RANBP3L: variants seen among roughly 807,000 people sequenced by gnomAD.
RANBP3L encodes ran-binding protein 3-like.
In RANBP3L, 56 loss-of-function variants were observed where a neutral mutation model predicts 67.2. The observed-to-expected ratio is 0.83, with a 90% CI of 0.67 to 1.04. The LOEUF (loss-of-function observed/expected upper bound fraction) is 1.04. Among genes scored for constraint, RANBP3L ranks in the 50% least tolerant of loss-of-function variants. The pLI is 0.00. For missense variants in RANBP3L, 496 were observed against 535.5 expected (o/e 0.93, Z 0.73); for synonymous variants, 164 against 181.4 (o/e 0.90, Z 0.77).
intron 1 of RANBP3L, among the ~76,000 whole-genome samples, chr5:36,298,587 G>A (rs1752398909): frequency 2.0e-5 from 3 of 152,164 alleles, no homozygotes; most frequent in Admixed American, 2.0e-4. Context: ...TGCTCTGAAT[G>A]AATACTTTAA....
In RANBP3L at chr5:36,253,625, A is replaced by G. The variant is rs567470004; in HGVS notation, c.1167+22T>C. 5.9e-5 allele frequency: 92 copies of G among 1,556,304 alleles called. No homozygotes were observed. The South Asian group carries it at 9.2e-4, about 15-fold the overall frequency. On this transcript the variant is annotated intron_variant, in intron 12 of 13. Coordinates refer to ENST00000296604, the MANE Select transcript of RANBP3L (RefSeq NM_145000.5). ...TATTAATTTAGTAGGATAATCTTCT[A>G]TCACTGAAATTTCTCCCTTACCTGA...
chr5:36,275,452 A>G (rs1750507664), intron 1 of RANBP3L, among the ~76,000 whole-genome samples: 1 of 152,192 alleles, frequency 6.6e-6, no homozygotes, highest in South Asian at 2.1e-4. Context: ...ACTGGCACAT[A>G]TTAGTCCCAA....
chr5:36,277,530 G>C (rs6867703), intron 1 of RANBP3L, among the ~76,000 whole-genome samples: 21,539 of 149,762 alleles, frequency 0.14, 1,827 homozygotes, highest in South Asian at 0.28. Context: ...AACACCTACA[G>C]CTTCTTCTTC....
intron 6 of RANBP3L, among the ~76,000 whole-genome samples, chr5:36,263,200 G>T (rs1181678415): frequency 6.6e-6 from 1 of 151,966 alleles, no homozygotes; most frequent in Non-Finnish European, 1.5e-5. Flanking sequence ...TTAATGATGG[G>T]CATATACAGT....
At chr5:36,293,062 CCT>C (rs1341469525) in intron 1 of RANBP3L, among the ~76,000 whole-genome samples, 9 of 122,606 alleles carry the variant, frequency 7.3e-5, no homozygotes, top group Admixed American at 1.8e-4. Flanking sequence ...TTGTTTGTAT[CCT>C]CTTTTATTTC....
intron 2 of RANBP3L, among the ~76,000 whole-genome samples, chr5:36,271,047 T>C (rs1426351849): frequency 2.0e-5 from 3 of 152,310 alleles, no homozygotes; most frequent in Admixed American, 6.5e-5. Context: ...ATGTTATCCA[T>C]AGCTGCAAGA....
Position 36,251,328 on chromosome 5 carries a change from T to C in RANBP3L, c.1339A>G (p.Thr447Ala). The change falls in exon 13 of 14, where the codon ACT (threonine) becomes GCT (alanine). Residue 447 changes from threonine to alanine, a missense_variant. By Grantham distance (58) the Thr-to-Ala change is moderately conservative (BLOSUM62 0). Coordinates refer to ENST00000296604, the MANE Select transcript of RANBP3L (RefSeq NM_145000.5). ...AGCTATTTACCTGATCCATTTTTAG[T>C]GACTTGGATGAAATCATCCTCATTC... ...DENEDDFIQVTKNGSDPSSWT... is the reference protein window; with the variant it reads ...DENEDDFIQVAKNGSDPSSWT... The C allele has an allele frequency of 6.2e-7, 1 of 1,611,738 alleles. No individual in the cohort carries two copies.
rs573208999 is a variant in RANBP3L, at chr5:36,301,322, T to C, written c.91+4A>G. 2.5e-6 allele frequency: 4 copies of C among 1,608,552 alleles called. No individual in the cohort carries two copies. The South Asian group carries it at 3.3e-5, about 13-fold the overall frequency. The stretch of plus-strand genomic sequence containing the variant: ...TATGCAACTCATGAGCTGGACGGAC[T>C]CACCTTGCTGTCGCCGGTCCTCCTG... On this transcript the variant is annotated splice_donor_region_variant and intron_variant, in intron 1 of 13. Coordinates refer to ENST00000296604, the MANE Select transcript of RANBP3L (RefSeq NM_145000.5).
chr5:36,264,892 C>T (rs1036866398), intron 6 of RANBP3L, 67 bp downstream of exon 6: 8 of 1,491,594 alleles, frequency 5.4e-6, no homozygotes, highest in Non-Finnish European at 6.4e-6. Flanking sequence ...GATATGGGGG[C>T]CCCAAACAAC....
rs16902911 is a variant in RANBP3L at position 36,275,040 on chromosome 5, T to A, written c.92-3729A>T. Among the ~76,000 whole-genome samples the A allele has an allele frequency of 0.012, 1,859 of 152,308 alleles. 152 individuals carry two copies. The East Asian group carries it at 0.22, about 18-fold the overall frequency. ...TGAGATTCATGTAGCATTTCATGAA[T>A]CTCAATATTCAATGTTGTTTTTTTC... On this transcript the variant is annotated intron_variant, in intron 1 of 13. Transcript: ENST00000296604.
chr5:36,268,191 A>G (rs1457397633), intron 4 of RANBP3L: 1 of 1,529,234 alleles, frequency 6.5e-7, no homozygotes, highest in Non-Finnish European at 8.8e-7. Flanking sequence ...ACTCTTTATT[A>G]CCTGGCCCAG....
intron 13 of RANBP3L, 92 bp downstream of exon 13, chr5:36,251,221 T>A (rs1748565598): frequency 9.5e-7 from 1 of 1,052,554 alleles, no homozygotes. Context: ...AACAGAGCAG[T>A]TCCACTTGTT....
intron 12 of RANBP3L, among the ~76,000 whole-genome samples, chr5:36,253,202 G>C (rs766709967): frequency 6.6e-6 from 1 of 152,050 alleles, no homozygotes; most frequent in Non-Finnish European, 1.5e-5. Context: ...TGTTGGACTG[G>C]TTGTTTTAAC....
Position 36,254,170 on chromosome 5 carries a change from A to G in RANBP3L, c.1025-381T>C, listed in dbSNP as rs73751624. ...TTGTGGTGTAGTCATTCAAGAGAAT[A>G]TTATGAACCCATTAAGAATACTGCA... On this transcript the variant is annotated intron_variant, in intron 11 of 13. Transcript: ENST00000296604. Among the ~76,000 whole-genome samples the G allele has an allele frequency of 4.5e-3, 679 of 151,724 alleles. 5 individuals are homozygous for G. Among genetic ancestry groups the G allele is most frequent in the African/African-American group, 0.016 (651 of 41,450 alleles).
chr5:36,296,267 A>C (rs1310145722), intron 1 of RANBP3L, among the ~76,000 whole-genome samples: 1 of 152,182 alleles, frequency 6.6e-6, no homozygotes, highest in Non-Finnish European at 1.5e-5. Context: ...AGAAGTGCAG[A>C]TTGCTTGGGG....
chr5:36,297,020 C>T (rs1752264626), intron 1 of RANBP3L, among the ~76,000 whole-genome samples: 1 of 152,068 alleles, frequency 6.6e-6, no homozygotes, highest in Admixed American at 6.6e-5. Context: ...CCTCTCTCTT[C>T]TCTCTCTCTA....
chr5:36,290,200 G>A (rs1034664353), intron 1 of RANBP3L, among the ~76,000 whole-genome samples: 23 of 147,418 alleles, frequency 1.6e-4, no homozygotes, highest in Non-Finnish European at 3.1e-4. Context: ...CCTCATACTG[G>A]TGGTTTCTCT....
At chr5:36,301,260 T>A (rs10941287) in intron 1 of RANBP3L, 66 bp downstream of exon 1, 543,520 of 1,232,026 alleles carry the variant, frequency 0.44, 129,043 homozygotes, top group Non-Finnish European at 0.5. Flanking sequence ...CAGCCCACCA[T>A]TCTTCCTGGA....
intron 4 of RANBP3L, chr5:36,268,047 T>C: frequency 4.4e-6 from 2 of 449,530 alleles, no homozygotes; most frequent in Non-Finnish European, 7.9e-6. Context: ...ATTCATAAGG[T>C]ATTCTTCGAT....
Sources: gnomAD v4.1 joint callset for allele counts (sites outside exome capture counted in the v4.1 genomes callset) on GRCh38, gnomAD v4.1.1 for gene constraint, MANE v1.5 for transcripts, NCBI Gene and HGNC (gene_info 2026-07-23, HGNC 2026-07-21) for gene names.